RIN3: variants seen among roughly 807,000 people sequenced by gnomAD.
RIN3 encodes the protein Ras and Rab interactor 3, also known as RAB5 interacting protein 3.
In RIN3, 54 loss-of-function variants were observed where a neutral mutation model predicts 76.3. The ratio of observed to expected loss-of-function variants is 0.71; its 90% confidence interval spans 0.57 to 0.89. The LOEUF (loss-of-function observed/expected upper bound fraction) is 0.89. RIN3 is among the 40% of genes least tolerant of loss of function. The probability of loss-of-function intolerance (pLI) is 0.00; values close to 1 mark genes in which losing one functional copy is unlikely to be tolerated. For synonymous variants in RIN3, 576 were observed against 564.0 expected, an observed-to-expected ratio of 1.02 and a Z score of -0.30; for missense variants, 1,256 against 1,322.1, an observed-to-expected ratio of 0.95 and a Z score of 0.78.
Position 92,652,532 on chromosome 14 carries a change from C to A in RIN3, c.1483C>A (p.Pro495Thr), listed in dbSNP as rs1271245845. The change falls in exon 6 of 10, where the codon CCG (proline) becomes ACG (threonine). Residue 495 changes from proline to threonine, a missense_variant. Physicochemically the swap from Pro to Thr is conservative, Grantham distance 38 (BLOSUM62 -1). Transcript: ENST00000216487. This position sits in a 1 kb window ranked among gnomAD's most constrained non-coding sequence, Gnocchi z 6.4. ...GGCGATGGCCTTGGAGACACCCACG[C>A]CGGGTCCACCCAGAGAGGGCCAAAG... is the stretch of plus-strand genomic sequence containing the variant. ...TQAMALETPTPGPPREGQSPA... is the reference protein window; with the variant it reads ...TQAMALETPTTGPPREGQSPA... 17 of 1,613,624 alleles carry A rather than the reference C, an allele frequency of 1.1e-5. No individual in the cohort carries two copies. In the South Asian group the frequency reaches 1.8e-4, roughly 17 times the overall value.
intron 1 of RIN3, among the ~76,000 whole-genome samples, chr14:92,554,205 A>C (rs1897514770): frequency 6.6e-6 from 1 of 152,208 alleles, no homozygotes; most frequent in South Asian, 2.1e-4. Flanking sequence ...GGCCCACCCA[A>C]CTCAGGATGC....
intron 3 of RIN3, among the ~76,000 whole-genome samples, chr14:92,612,151 G>T (rs1056424164): frequency 6.6e-6 from 1 of 152,194 alleles, no homozygotes; most frequent in African/African-American, 2.4e-5. Flanking sequence ...CATGAGATTT[G>T]GGTGGGGACA....
At chr14:92,620,035 T>C (rs1307640265) in intron 4 of RIN3, among the ~76,000 whole-genome samples, 1 of 152,242 alleles carries the variant, frequency 6.6e-6, no homozygotes. Flanking sequence ...TCAAGTCACA[T>C]GAACTAAATA....
At chr14:92,518,440 G>A (rs1185795381) in intron 1 of RIN3, among the ~76,000 whole-genome samples, 1 of 152,176 alleles carries the variant, frequency 6.6e-6, no homozygotes, top group Non-Finnish European at 1.5e-5. Flanking sequence ...TAAGTAGGGG[G>A]AGACCCAGGG....
intron 3 of RIN3, among the ~76,000 whole-genome samples, chr14:92,604,790 C>G (rs1037783669): frequency 2.0e-5 from 3 of 151,972 alleles, no homozygotes; most frequent in African/African-American, 7.3e-5. Flanking sequence ...ATTTTTGAAT[C>G]TCTACCCACC....
At chr14:92,549,607 G>A (rs1395954571) in intron 1 of RIN3, among the ~76,000 whole-genome samples, 1 of 152,216 alleles carries the variant, frequency 6.6e-6, no homozygotes, top group Non-Finnish European at 1.5e-5. Context: ...CCATGCCCAG[G>A]AGCTGGGCAC....
intron 6 of RIN3, among the ~76,000 whole-genome samples, chr14:92,655,206 G>A (rs2140146261): frequency 6.6e-6 from 1 of 151,836 alleles, no homozygotes; most frequent in Admixed American, 6.6e-5. Flanking sequence ...AAATTAACTG[G>A]GCATGGTGGC....
Position 92,656,028 on chromosome 14 carries a change from G to A in RIN3, c.2026+2953G>A, listed in dbSNP as rs1887653120. Reference sequence around the variant, plus strand: ...AGACTGGATGAGATCATCCGGGTCTGAGGACTGAGCCACAGGCACCGTGCA... The same window carrying A: ...AGACTGGATGAGATCATCCGGGTCTAAGGACTGAGCCACAGGCACCGTGCA... On this transcript the variant is annotated intron_variant, in intron 6 of 9. Transcript: ENST00000216487. This position sits in a 1 kb window ranked among gnomAD's most constrained non-coding sequence, Gnocchi z 5.2. Among the ~76,000 whole-genome samples the A allele has an allele frequency of 6.6e-6, 1 of 152,178 alleles. No individual in the cohort carries two copies. Among genetic ancestry groups the A allele is most frequent in the South Asian group, 2.1e-4 (1 of 4,830 alleles).
chr14:92,553,029 A>G (rs1173986897), intron 1 of RIN3, among the ~76,000 whole-genome samples: 1 of 16,030 alleles, frequency 6.2e-5, no homozygotes. Flanking sequence ...CTGCAGGTAA[A>G]AAAAAAAAAA....
At chr14:92,523,572 T>C (rs1232871167) in intron 1 of RIN3, among the ~76,000 whole-genome samples, 2 of 152,206 alleles carry the variant, frequency 1.3e-5, no homozygotes, top group African/African-American at 2.4e-5. Flanking sequence ...CATTTCCTAG[T>C]GGAGGCAAGA....
At chr14:92,577,540 G>T in intron 3 of RIN3, 63 bp downstream of exon 3, 1 of 1,027,648 alleles carries the variant, frequency 9.7e-7, no homozygotes, top group Non-Finnish European at 1.5e-6. Context: ...CAGAGAGGCT[G>T]CACCTTCTAA....
chr14:92,626,256 G>T (rs1886349034), intron 4 of RIN3, among the ~76,000 whole-genome samples: 1 of 152,178 alleles, frequency 6.6e-6, no homozygotes, highest in Admixed American at 6.5e-5. Context: ...ATTTTGGCCA[G>T]GAGAATGTTC....
At chr14:92,598,145 C>T (rs1399772723) in intron 3 of RIN3, among the ~76,000 whole-genome samples, 1 of 152,202 alleles carries the variant, frequency 6.6e-6, no homozygotes, top group African/African-American at 2.4e-5. Context: ...TCTGCCTGGA[C>T]TCTGGGAGCT....
At position 92,514,874 on chromosome 14, in the gene RIN3, C is replaced by G. The variant is rs955593404; in HGVS notation, c.44+898C>G. On this transcript the variant is annotated intron_variant, in intron 1 of 9. Transcript: ENST00000216487. This position sits in a 1 kb window ranked among gnomAD's most constrained non-coding sequence, Gnocchi z 7.2. The stretch of plus-strand genomic sequence containing the variant: ...CCGGGGAAAGCCTATTTCTGGGTAC[C>G]CAGGAGCGCGTCTGGGGAGGCCATT... Among the ~76,000 whole-genome samples the G allele has an allele frequency of 7.2e-5, 11 of 152,164 alleles. No homozygotes were observed. Among genetic ancestry groups the G allele is most frequent in the Non-Finnish European group, 4.4e-5 (3 of 68,024 alleles).
intron 3 of RIN3, among the ~76,000 whole-genome samples, chr14:92,587,801 T>C (rs187222771): frequency 1.1e-4 from 17 of 152,122 alleles, no homozygotes; most frequent in South Asian, 8.3e-4. Flanking sequence ...GTTTGGATAA[T>C]CTTGGCTCAG....
chr14:92,685,234 T>A lies in RIN3; in HGVS notation c.2631+84T>A. The A allele has an allele frequency of 7.1e-7, 1 of 1,417,826 alleles. No individual in the cohort carries two copies. The highest frequency in any genetic ancestry group is 9.5e-7 in the Non-Finnish European group (1 of 1,056,974). 87.8% of individuals were successfully genotyped at this position (1,417,826 alleles called of 1,614,324 possible). On this transcript the variant is annotated intron_variant, in intron 9 of 9. Transcript: ENST00000216487. This position sits in a 1 kb window ranked among gnomAD's most constrained non-coding sequence, Gnocchi z 4.7. ...GCCTGCTGGCTAAGGAGCCGTGACATCACCTGGCTGCTCCAGCCGCCCAGC... is the reference window on the plus strand; with the variant it reads ...GCCTGCTGGCTAAGGAGCCGTGACAACACCTGGCTGCTCCAGCCGCCCAGC...
chr14:92,636,250 AAG>A (rs910476377), intron 4 of RIN3, among the ~76,000 whole-genome samples: 7 of 152,120 alleles, frequency 4.6e-5, no homozygotes, highest in African/African-American at 1.2e-4. Context: ...GAGGGAGGGA[AAG>A]AGAGAGAGAA....
chr14:92,659,892 C>T (rs554771114), intron 7 of RIN3, among the ~76,000 whole-genome samples: 1 of 152,340 alleles, frequency 6.6e-6, no homozygotes, highest in Admixed American at 6.5e-5. Context: ...AGGGAAGGTT[C>T]TGTTCCTTCC....
chr14:92,588,804 C>A (rs1884876963), intron 3 of RIN3, among the ~76,000 whole-genome samples: 1 of 152,158 alleles, frequency 6.6e-6, no homozygotes, highest in African/African-American at 2.4e-5. Flanking sequence ...TACTCAGTAA[C>A]CATACTAGTA....
Sources: gnomAD v4.1 joint callset for allele counts (sites outside exome capture counted in the v4.1 genomes callset) on GRCh38, gnomAD v4.1.1 for gene constraint, Gnocchi (gnomAD v3.1) non-coding constraint, MANE v1.5 for transcripts, NCBI Gene and HGNC (gene_info 2026-07-23, HGNC 2026-07-21) for gene names.